Variants in HHAT observed in about 807,000 individuals in gnomAD.
The protein encoded by HHAT is hedgehog acyltransferase, also known as protein-cysteine N-palmitoyltransferase HHAT.
A neutral mutation model predicts 70.8 loss-of-function variants in HHAT; 47 were observed. The observed-to-expected ratio is 0.66, with a 90% CI of 0.53 to 0.85. HHAT has a LOEUF of 0.85. Among genes scored for constraint, HHAT ranks in the 40% least tolerant of loss-of-function variants. The pLI is 0.00. For synonymous variants in HHAT, 228 were observed against 247.6 expected (o/e 0.92, Z 0.74); for missense variants, 609 against 604.8 (o/e 1.01, Z -0.07).
At chr1:210,546,887 G>A (rs1047594014) in intron 9 of HHAT, among the ~76,000 whole-genome samples, 15 of 152,200 alleles carry the variant, frequency 9.9e-5, no homozygotes, top group African/African-American at 3.4e-4. Context: ...AATGTGGGGA[G>A]AGTGGAGACA....
intron 3 of HHAT, among the ~76,000 whole-genome samples, chr1:210,386,230 C>CTTTTTTTTTTTTTTT (rs869305965): frequency 7.4e-4 from 52 of 69,912 alleles, no homozygotes; most frequent in Non-Finnish European, 8.0e-4. Context: ...TTCTTTTTTT[C>CTTTTTTTTTTTTTTT]TTTTTTTTTT....
chr1:210,569,942 C>T (rs148504043), intron 9 of HHAT, among the ~76,000 whole-genome samples: 1 of 152,176 alleles, frequency 6.6e-6, no homozygotes, highest in Non-Finnish European at 1.5e-5. Context: ...ATCCCTATGC[C>T]TAGCCTATAG....
At chr1:210,520,971 T>A (rs1470675117) in intron 9 of HHAT, among the ~76,000 whole-genome samples, 2 of 152,184 alleles carry the variant, frequency 1.3e-5, no homozygotes, top group Non-Finnish European at 2.9e-5. Flanking sequence ...TGGAAATCAT[T>A]CCACTGATAC....
intron 7 of HHAT, among the ~76,000 whole-genome samples, chr1:210,461,591 C>T (rs1027723845): frequency 3.3e-5 from 5 of 151,976 alleles, no homozygotes; most frequent in South Asian, 2.1e-4. Context: ...CGTGAGCCAC[C>T]GTGCCTGGCT....
At chr1:210,599,292 T>C (rs1194125314) in intron 10 of HHAT, among the ~76,000 whole-genome samples, 1 of 152,168 alleles carries the variant, frequency 6.6e-6, no homozygotes, top group Non-Finnish European at 1.5e-5. Flanking sequence ...TACCCCCACT[T>C]CTAGAAAACA....
intron 10 of HHAT, among the ~76,000 whole-genome samples, chr1:210,600,863 A>G (rs183557899): frequency 1.1e-4 from 16 of 152,226 alleles, no homozygotes; most frequent in Admixed American, 2.0e-4. Flanking sequence ...TATATCTCAA[A>G]TAGTTCACCT....
intron 10 of HHAT, among the ~76,000 whole-genome samples, chr1:210,609,554 G>C (rs773096870): frequency 3.3e-5 from 5 of 152,072 alleles, no homozygotes; most frequent in Non-Finnish European, 7.4e-5. Context: ...AGGATGTGCA[G>C]ATTTATTATA....
rs556034501 is a variant in HHAT, at chr1:210,659,137, A to G, written c.1391-15151A>G. Among the ~76,000 whole-genome samples the G allele has an allele frequency of 2.4e-3, 368 of 152,346 alleles. 3 individuals carry two copies. Among genetic ancestry groups the G allele is most frequent in the African/African-American group, 7.7e-3 (318 of 41,568 alleles). ...ACACAAAAAACCCTTCAAAAAATCA[A>G]TGAATCCAGGAGATGGTTTTTTGAA... On this transcript the variant is annotated intron_variant, in intron 11 of 11. Transcript: ENST00000261458.
intron 9 of HHAT, among the ~76,000 whole-genome samples, chr1:210,535,098 G>A (rs1043493966): frequency 6.6e-6 from 1 of 152,164 alleles, no homozygotes; most frequent in African/African-American, 2.4e-5. Flanking sequence ...TTGAGCACCA[G>A]GGAGGAGCAC....
chr1:210,460,627 A>G (rs531674099), intron 7 of HHAT, among the ~76,000 whole-genome samples: 1 of 152,228 alleles, frequency 6.6e-6, no homozygotes, highest in South Asian at 2.1e-4. Flanking sequence ...TCACCACCAT[A>G]TTGCTCAGTG....
chr1:210,642,984 C>T (rs1254053093), intron 11 of HHAT, among the ~76,000 whole-genome samples: 2 of 152,116 alleles, frequency 1.3e-5, no homozygotes, highest in African/African-American at 4.8e-5. Context: ...TTTTTAATTT[C>T]CCTATTTACA....
chr1:210,408,159 G>A (rs953805878), intron 6 of HHAT, among the ~76,000 whole-genome samples: 1 of 152,134 alleles, frequency 6.6e-6, no homozygotes, highest in Non-Finnish European at 1.5e-5. Context: ...GGTTTGACAG[G>A]TTAATACTAT....
At chr1:210,649,112 A>G (rs539387545) in intron 11 of HHAT, among the ~76,000 whole-genome samples, 1 of 152,318 alleles carries the variant, frequency 6.6e-6, no homozygotes, top group East Asian at 1.9e-4. Context: ...TAAAGAGGGT[A>G]GAGGGGATGT....
At chr1:210,538,080 T>G (rs1028478770) in intron 9 of HHAT, among the ~76,000 whole-genome samples, 5 of 152,196 alleles carry the variant, frequency 3.3e-5, no homozygotes, top group African/African-American at 9.6e-5. Flanking sequence ...TTTGTATTTT[T>G]TTTTTTTGCT....
chr1:210,396,440 C>A (rs2091792167), intron 4 of HHAT, among the ~76,000 whole-genome samples: 1 of 152,186 alleles, frequency 6.6e-6, no homozygotes, highest in African/African-American at 2.4e-5. Context: ...GTAACAGCAC[C>A]AAATGCTGGC....
rs545749235 is a variant in HHAT, at chr1:210,505,714, A to C, written c.1008-7439A>C. On this transcript the variant is annotated intron_variant, in intron 8 of 11. Transcript: ENST00000261458. ...ACTCAGGCAGCCTATTAATAGGCTAAACAAGCGTAGTGATAAAAGACTGAA... is the reference window on the plus strand; with the variant it reads ...ACTCAGGCAGCCTATTAATAGGCTACACAAGCGTAGTGATAAAAGACTGAA... Among the ~76,000 whole-genome samples the C allele has an allele frequency of 3.9e-5, 6 of 152,310 alleles. No homozygotes were observed. In the East Asian group the frequency reaches 1.2e-3, roughly 29 times the overall value.
intron 10 of HHAT, among the ~76,000 whole-genome samples, chr1:210,619,425 G>A (rs1339180277): frequency 6.6e-6 from 1 of 152,152 alleles, no homozygotes; most frequent in Non-Finnish European, 1.5e-5. Context: ...GATAGGAGGG[G>A]CCTGGTGGTT....
At chr1:210,580,734 A>G (rs1454940194) in intron 9 of HHAT, among the ~76,000 whole-genome samples, 1 of 152,008 alleles carries the variant, frequency 6.6e-6, no homozygotes, top group African/African-American at 2.4e-5. Context: ...ATTGATGGGC[A>G]TTTGGGTTGG....
chr1:210,474,709 T>C (rs1261322607), intron 8 of HHAT, among the ~76,000 whole-genome samples: 1 of 152,164 alleles, frequency 6.6e-6, no homozygotes, highest in African/African-American at 2.4e-5. Flanking sequence ...GGAGGTTGTG[T>C]TTCTTTATTG....
Sources: gnomAD v4.1 joint callset for allele counts (sites outside exome capture counted in the v4.1 genomes callset) on GRCh38, gnomAD v4.1.1 for gene constraint, MANE v1.5 for transcripts, NCBI Gene and HGNC (gene_info 2026-07-23, HGNC 2026-07-21) for gene names.